The following FAM83G variants were observed in gnomAD, a reference collection of about 807,000 sequenced individuals.
FAM83G encodes the protein scaffolding CK1 anchoring protein G, also known as protein FAM83G.
A neutral mutation model predicts 61.5 loss-of-function variants in FAM83G; 38 were observed. The observed-to-expected ratio is 0.62, with a 90% confidence interval of 0.48 to 0.81. FAM83G has a LOEUF of 0.81. Among genes scored for constraint, FAM83G ranks in the 30% least tolerant of loss-of-function variants. The pLI is 0.00. For missense variants in FAM83G, 989 were observed against 1,133.6 expected (o/e 0.87, Z 1.83); for synonymous variants, 470 against 476.1 (o/e 0.99, Z 0.17).
Position 18,970,020 on chromosome 17 carries a change from C to T in FAM83G, c.*1339G>A, listed in dbSNP as rs909008322. 1 of 152,326 alleles carries T rather than the reference C, an allele frequency of 6.6e-6. No individual in the cohort carries two copies. The highest frequency in any genetic ancestry group is 1.5e-5 in the Non-Finnish European group (1 of 68,122). The allele number at this position is 152,326 out of a possible 1,614,324, so 9.4% of individuals were successfully genotyped here. A position where few individuals can be genotyped will look rare whatever the true frequency, so the allele number is the denominator to read the frequency against. ...GTGAACAAATCTCTAAAGACTCTTCCAGACTCAGACACTGGGACCCTGTGG... is the reference window on the plus strand; with the variant it reads ...GTGAACAAATCTCTAAAGACTCTTCTAGACTCAGACACTGGGACCCTGTGG... On this transcript the variant is annotated 3_prime_UTR_variant, in exon 6 of 6. Transcript: ENST00000388995.
intron 5 of FAM83G, among the ~76,000 whole-genome samples, chr17:18,974,146 C>T (rs1010627347): frequency 2.6e-5 from 4 of 152,090 alleles, no homozygotes; most frequent in African/African-American, 9.7e-5. Context: ...CCACCTAGGC[C>T]TCCCAAAGTG....
rs972068048 is a variant in FAM83G at position 18,977,941 on chromosome 17, C to A, written c.1725G>T (p.Gly575=). ...PESLGVGLPN[G]LDGVEEEDDD... ...CATCTTCTTCTTCCACCCCATCCAG[C>A]CCATTGGGGAGCCCCACCCCGAGGC... Residue 575 remains glycine (G), a synonymous_variant, in exon 5 of 6, where the codon GGG becomes GGT. Transcript: ENST00000388995. 3 of 1,605,656 alleles carry A rather than the reference C, an allele frequency of 1.9e-6. No homozygotes were observed. Among genetic ancestry groups the A allele is most frequent in the Non-Finnish European group, 2.6e-6 (3 of 1,175,990 alleles).
At position 19,004,557 on chromosome 17, in the gene FAM83G, G is replaced by T. The variant is rs961129732; in HGVS notation, c.-129+152C>A. The stretch of plus-strand genomic sequence containing the variant: ...CCGAGGGCTTCCGGGTAAGGGAGGG[G>T]TCTTAAAATTTCCGGGTGCCGGCAA... On this transcript the variant is annotated intron_variant, in intron 1 of 5. Coordinates refer to ENST00000388995, the MANE Select transcript of FAM83G (RefSeq NM_001039999.3). This position sits in a 1 kb window ranked among gnomAD's most constrained non-coding sequence, Gnocchi z 5.4. 5.9e-5 allele frequency among the ~76,000 whole-genome samples: 9 copies of T among 152,044 alleles called. No homozygotes were observed. Among genetic ancestry groups the T allele is most frequent in the African/African-American group, 1.9e-4 (8 of 41,414 alleles).
At chr17:18,972,594 G>A (rs1447594404) in intron 5 of FAM83G, among the ~76,000 whole-genome samples, 1 of 152,202 alleles carries the variant, frequency 6.6e-6, no homozygotes, top group African/African-American at 2.4e-5. Context: ...CGGGGGCGGT[G>A]GCTCAAGCCT....
At position 18,979,543 on chromosome 17, in the gene FAM83G, A is replaced by C; in HGVS notation, c.815+6T>G. 6.2e-7 allele frequency: 1 copy of C among 1,612,724 alleles called. No homozygotes were observed. The highest frequency in any genetic ancestry group is 8.5e-7 in the Non-Finnish European group (1 of 1,179,582). ...CGCACAACTTCCCTGAAAGCTGGAG[A>C]GTCACCTGTAGGAGCCGCACACAGC... On this transcript the variant is annotated splice_donor_region_variant and intron_variant, in intron 4 of 5. Transcript: ENST00000388995.
Position 18,978,870 on chromosome 17 carries a change from C to T in FAM83G, c.816-20G>A, listed in dbSNP as rs758249096. On this transcript the variant is annotated intron_variant, in intron 4 of 5. Coordinates refer to ENST00000388995, the MANE Select transcript of FAM83G (RefSeq NM_001039999.3). ...GTGAAGCTGCAACAGAGGGAGGGGG[C>T]GCTGGTCAGGCACATGACCCTGCTT... 28 of 1,608,528 alleles carry T rather than the reference C, an allele frequency of 1.7e-5. No homozygotes were observed. The highest frequency in any genetic ancestry group is 4.4e-5 in the South Asian group (4 of 90,696).
chr17:18,985,204 G>A (rs745391036), intron 3 of FAM83G, among the ~76,000 whole-genome samples: 1 of 152,198 alleles, frequency 6.6e-6, no homozygotes, highest in African/African-American at 2.4e-5. Context: ...GCTCGTGACC[G>A]AAGGCCCACC....
chr17:18,978,845 G>A lies in FAM83G; in HGVS notation c.821C>T (p.Thr274Met), dbSNP rs753302947. 28 of 1,611,374 alleles carry A rather than the reference G, an allele frequency of 1.7e-5. No individual in the cohort carries two copies. The highest frequency in any genetic ancestry group is 3.3e-5 in the Admixed American group (2 of 59,988). ...DRAVCGSYSF[T>M]WSAARTDRNV... The stretch of plus-strand genomic sequence containing the variant: ...CCGGTCCGTCCGCGCGGCCGACCAC[G>A]TGAAGCTGCAACAGAGGGAGGGGGC... The change falls in exon 5 of 6, where the codon ACG becomes ATG. Residue 274 changes from threonine to methionine, a missense_variant. Transcript: ENST00000388995.
At position 19,003,517 on chromosome 17, in the gene FAM83G, C is replaced by T; in HGVS notation, c.522+3G>A. The T allele has an allele frequency of 6.6e-7, 1 of 1,526,042 alleles. No individual in the cohort carries two copies. Among genetic ancestry groups the T allele is most frequent in the Non-Finnish European group, 8.8e-7 (1 of 1,135,584 alleles). 94.5% of individuals were successfully genotyped at this position (1,526,042 alleles called of 1,614,324 possible). A position where few individuals can be genotyped will look rare whatever the true frequency, so the allele number is the denominator to read the frequency against. On this transcript the variant is annotated splice_donor_region_variant and intron_variant, in intron 2 of 5. Coordinates refer to ENST00000388995, the MANE Select transcript of FAM83G (RefSeq NM_001039999.3). The surrounding 1 kb of genome is among the most constrained non-coding windows in gnomAD (Gnocchi z 4.5). Reference sequence around the variant, plus strand: ...GGCTCCAGGAGTCCCCGCGCTGCCTCACCTTCTGTGCCTGGCTGATCATCT... The same window carrying T: ...GGCTCCAGGAGTCCCCGCGCTGCCTTACCTTCTGTGCCTGGCTGATCATCT...
Position 18,978,619 on chromosome 17 carries a change from G to A in FAM83G, c.1047C>T (p.Tyr349=), listed in dbSNP as rs760752072. Reference sequence around the variant, plus strand: ...CGACGCTCTTGGCCTTGACAAGTGCGTACTTGGGGTTGACGAGCTTCTTGG... The same window carrying A: ...CGACGCTCTTGGCCTTGACAAGTGCATACTTGGGGTTGACGAGCTTCTTGG... ...TVAKKLVNPK[Y]ALVKAKSVDE... Residue 349 remains tyrosine (Y), a synonymous_variant, in exon 5 of 6, where the codon TAC becomes TAT. Coordinates refer to ENST00000388995, the MANE Select transcript of FAM83G (RefSeq NM_001039999.3). 23 of 1,613,030 alleles carry A rather than the reference G, an allele frequency of 1.4e-5. No individual in the cohort carries two copies. The highest frequency in any genetic ancestry group is 6.6e-5 in the South Asian group (6 of 91,086).
In FAM83G at chr17:18,988,276, G is replaced by A. The variant is rs760541119; in HGVS notation, c.661C>T (p.Arg221Trp). The A allele has an allele frequency of 2.3e-5, 37 of 1,613,340 alleles. No homozygotes were observed. Among genetic ancestry groups the A allele is most frequent in the Middle Eastern group, 1.6e-4 (1 of 6,076 alleles). ...AGGTGCCCCAGGTGCATGCAGGCCC[G>A]CTCACACATGTGCAGGAAGTACTTG... ...NVKYFLHMCE[R>W]ACMHLGHLKN... Residue 221 changes from arginine (R) to tryptophan (W), a missense_variant, in exon 3 of 6, where the codon CGG becomes TGG. This residue lies in a region of FAM83G where 371 missense variants were observed against 404.5 expected (regional missense o/e 0.92). Transcript: ENST00000388995.
In FAM83G at chr17:18,969,126, G is replaced by C. The variant is rs144232155; in HGVS notation, c.*2233C>G. The C allele has an allele frequency of 1.2e-6, 2 of 1,613,972 alleles. No individual in the cohort carries two copies. Among genetic ancestry groups the C allele is most frequent in the African/African-American group, 1.3e-5 (1 of 74,916 alleles). On this transcript the variant is annotated 3_prime_UTR_variant, in exon 6 of 6. Coordinates refer to ENST00000388995, the MANE Select transcript of FAM83G (RefSeq NM_001039999.3). ...ACTTCTACCTCTCCACCATCCTCACGCTCGGCATCACAGCCCTGTACACCA... is the reference window on the plus strand; with the variant it reads ...ACTTCTACCTCTCCACCATCCTCACCCTCGGCATCACAGCCCTGTACACCA...
At chr17:18,983,381 G>C (rs1467999173) in intron 3 of FAM83G, among the ~76,000 whole-genome samples, 1 of 152,274 alleles carries the variant, frequency 6.6e-6, no homozygotes, top group Non-Finnish European at 1.5e-5. Context: ...GGCAGCACCA[G>C]GACAGCCTGT....
intron 5 of FAM83G, chr17:18,976,601 C>G: frequency 2.0e-6 from 1 of 498,000 alleles, no homozygotes; most frequent in Non-Finnish European, 3.6e-6. Flanking sequence ...CCACACCTCC[C>G]CTATTGACAG....
intron 2 of FAM83G, among the ~76,000 whole-genome samples, chr17:18,999,050 C>T (rs1323246566): frequency 2.6e-5 from 4 of 152,170 alleles, no homozygotes; most frequent in South Asian, 2.1e-4. Flanking sequence ...GAGGCAGAGG[C>T]GGGTGGATCA....
intron 5 of FAM83G, chr17:18,976,758 G>T: frequency 6.7e-7 from 1 of 1,492,012 alleles, no homozygotes; most frequent in Non-Finnish European, 9.0e-7. Context: ...GGACATCATC[G>T]TGCCTCATGC....
chr17:18,990,800 G>A (rs2043401975), intron 2 of FAM83G, among the ~76,000 whole-genome samples: 1 of 86 alleles, frequency 0.012, no homozygotes, highest in African/African-American at 0.045. Flanking sequence ...GGAGCCTGGT[G>A]CTCCCCCAGG....
chr17:18,979,044 C>T, intron 4 of FAM83G, 194 bp from the exon 5 acceptor site: 1 of 622,346 alleles, frequency 1.6e-6, no homozygotes, highest in Non-Finnish European at 2.8e-6. Context: ...TTGCACCAAG[C>T]CCATTCCCAC....
At chr17:18,976,533 C>T (rs920308681) in intron 5 of FAM83G, 14 of 341,750 alleles carry the variant, frequency 4.1e-5, no homozygotes, top group Non-Finnish European at 6.5e-5. Context: ...CCCATACCAC[C>T]CCACCCAGGG....
Sources: gnomAD v4.1 joint callset for allele counts (sites outside exome capture counted in the v4.1 genomes callset) on GRCh38, gnomAD v4.1.1 for gene constraint, gnomAD v4.1.1 regional missense constraint, Gnocchi (gnomAD v3.1) non-coding constraint, MANE v1.5 for transcripts, NCBI Gene and HGNC (gene_info 2026-07-23, HGNC 2026-07-21) for gene names.